CDH4: variants seen among roughly 807,000 people sequenced by gnomAD.
CDH4 encodes the protein cadherin 4, also known as cadherin-4.
CDH4 carries 33 observed loss-of-function variants against 86.0 expected under a neutral mutation model. The observed-to-expected ratio is 0.38, with a 90% CI of 0.29 to 0.51. The LOEUF (loss-of-function observed/expected upper bound fraction) is 0.51, where lower values mean the gene tolerates loss of function less well. Among genes scored for constraint, CDH4 ranks in the 20% least tolerant of loss-of-function variants. The pLI is 0.86. For synonymous variants in CDH4, 555 were observed against 549.4 expected, an observed-to-expected ratio of 1.01 and a Z score of -0.14; for missense variants, 1,114 against 1,307.4, an observed-to-expected ratio of 0.85 and a Z score of 2.28.
chr20:61,628,532 G>A (rs1690746597), intron 2 of CDH4, among the ~76,000 whole-genome samples: 4 of 152,220 alleles, frequency 2.6e-5, no homozygotes, highest in South Asian at 2.1e-4. Context: ...GCATGAGGCC[G>A]AGCTCCTGCC....
At chr20:61,858,093 G>T (rs1983120499) in intron 6 of CDH4, among the ~76,000 whole-genome samples, 1 of 151,440 alleles carries the variant, frequency 6.6e-6, no homozygotes, top group Admixed American at 6.6e-5. Flanking sequence ...GTGTCTCTGT[G>T]TCTGTGTCTC....
rs2087868467 is a variant in CDH4 at position 61,709,617 on chromosome 20, C to T, written c.170-33946C>T. Among the ~76,000 whole-genome samples, 1 of 151,274 alleles carries T rather than the reference C, an allele frequency of 6.6e-6. No individual in the cohort carries two copies. The highest frequency in any genetic ancestry group is 1.5e-5 in the Non-Finnish European group (1 of 67,912). On this transcript the variant is annotated intron_variant, in intron 2 of 15. Coordinates refer to ENST00000614565, the MANE Select transcript of CDH4 (RefSeq NM_001794.5). The surrounding 1 kb of genome is among the most constrained non-coding windows in gnomAD (Gnocchi z 4.8). ...TTTTTTTTTTTTATCGCTGGCTAAT[C>T]ACAGAGTGAGCAGAGGTGCATGGCA... is the stretch of plus-strand genomic sequence containing the variant.
chr20:61,863,057 G>C (rs762043635), intron 6 of CDH4, among the ~76,000 whole-genome samples: 14 of 152,210 alleles, frequency 9.2e-5, no homozygotes, highest in Non-Finnish European at 1.6e-4. Flanking sequence ...TAGCCTCAGT[G>C]ATTTGAACAG....
At chr20:61,559,327 A>G (rs1462274243) in intron 2 of CDH4, among the ~76,000 whole-genome samples, 1 of 151,922 alleles carries the variant, frequency 6.6e-6, no homozygotes, top group Non-Finnish European at 1.5e-5. Flanking sequence ...CAAAAAGAAG[A>G]AAAAAATTTT....
intron 2 of CDH4, among the ~76,000 whole-genome samples, chr20:61,341,148 G>A (rs1236305502): frequency 2.0e-5 from 3 of 152,182 alleles, no homozygotes; most frequent in African/African-American, 4.8e-5. Flanking sequence ...GCAAGCATGA[G>A]ATAAACACAT....
At chr20:61,817,200 A>G (rs1165787158) in intron 4 of CDH4, among the ~76,000 whole-genome samples, 1 of 152,190 alleles carries the variant, frequency 6.6e-6, no homozygotes, top group East Asian at 1.9e-4. Context: ...TGAACCCCAA[A>G]TCACATGTTT....
At chr20:61,933,974 G>C in intron 14 of CDH4, 82 bp from the exon 15 acceptor site, 1 of 1,515,156 alleles carries the variant, frequency 6.6e-7, no homozygotes, top group Non-Finnish European at 9.0e-7. Context: ...CTGTGGCCCA[G>C]GTGACAGAAA....
At chr20:61,273,351 T>C in intron 2 of CDH4, among the ~76,000 whole-genome samples, 1 of 129,412 alleles carries the variant, frequency 7.7e-6, no homozygotes, top group East Asian at 2.5e-4. Context: ...CTTGTGCAGT[T>C]TGGGGGAGTA....
Position 61,914,051 on chromosome 20 carries a change from C to T in CDH4, c.1374+3444C>T, listed in dbSNP as rs148175525. 2.2e-3 allele frequency among the ~76,000 whole-genome samples: 338 copies of T among 152,268 alleles called. 1 individual carries two copies. The highest frequency in any genetic ancestry group is 6.5e-3 in the African/African-American group (271 of 41,550). ...TCAGGATGTTGATGAGTGCTGCCTG[C>T]GAGCCACGTTCGTAGCTAAAATCTC... On this transcript the variant is annotated intron_variant, in intron 9 of 15. Coordinates refer to ENST00000614565, the MANE Select transcript of CDH4 (RefSeq NM_001794.5).
In CDH4 at chr20:61,517,551, G is replaced by A. The variant is rs575730014; in HGVS notation, c.170-226012G>A. Among the ~76,000 whole-genome samples the A allele has an allele frequency of 3.8e-4, 58 of 152,234 alleles. No homozygotes were observed. The South Asian group carries it at 0.011, about 30-fold the overall frequency. ...GTCAGACTTGTTTATAGTCCCCCCAGTGGAGGATGAATTCAAGCACAATTC... is the reference window on the plus strand; with the variant it reads ...GTCAGACTTGTTTATAGTCCCCCCAATGGAGGATGAATTCAAGCACAATTC... On this transcript the variant is annotated intron_variant, in intron 2 of 15. Transcript: ENST00000614565. This position sits in a 1 kb window ranked among gnomAD's most constrained non-coding sequence, Gnocchi z 6.6.
chr20:61,724,952 A>G (rs1046679141), intron 2 of CDH4, among the ~76,000 whole-genome samples: 2 of 152,116 alleles, frequency 1.3e-5, no homozygotes, highest in South Asian at 2.1e-4. Context: ...CTCAACAAAA[A>G]TAATTAAAAA....
intron 2 of CDH4, among the ~76,000 whole-genome samples, chr20:61,594,276 G>A (rs1314881440): frequency 2.6e-4 from 35 of 134,902 alleles, no homozygotes; most frequent in African/African-American, 8.9e-4. Flanking sequence ...GAGGGAAGGG[G>A]GGCTGAGCTG....
intron 2 of CDH4, among the ~76,000 whole-genome samples, chr20:61,720,044 T>A (rs1378375126): frequency 3.9e-5 from 6 of 152,100 alleles, no homozygotes; most frequent in Non-Finnish European, 8.8e-5. Context: ...CATGTCTCAG[T>A]AACGGAGAAG....
At chr20:61,692,820 C>CTTTTTTG (rs1430125286) in intron 2 of CDH4, among the ~76,000 whole-genome samples, 8 of 150,230 alleles carry the variant, frequency 5.3e-5, no homozygotes, top group African/African-American at 9.9e-5. Context: ...AGCAAGCAAG[C>CTTTTTTG]TTTTTTGTTT....
At chr20:61,574,457 C>T (rs920533646) in intron 2 of CDH4, among the ~76,000 whole-genome samples, 5 of 152,226 alleles carry the variant, frequency 3.3e-5, no homozygotes, top group Non-Finnish European at 7.3e-5. Context: ...ACAGAGTTTA[C>T]ACAGTTCACA....
intron 2 of CDH4, 122 bp from the exon 3 acceptor site, chr20:61,743,441 G>T: frequency 1.4e-6 from 1 of 723,336 alleles, no homozygotes; most frequent in South Asian, 1.7e-5. Flanking sequence ...GGAGAAATCA[G>T]TGCAAACCTC....
intron 2 of CDH4, among the ~76,000 whole-genome samples, chr20:61,629,679 G>A (rs2086865698): frequency 1.3e-5 from 2 of 152,214 alleles, no homozygotes; most frequent in African/African-American, 4.8e-5. Context: ...GGTGGCCAGA[G>A]CCATGGAGAA....
chr20:61,361,300 G>C (rs2084781961), intron 2 of CDH4, among the ~76,000 whole-genome samples: 1 of 152,216 alleles, frequency 6.6e-6, no homozygotes, highest in African/African-American at 2.4e-5. Context: ...TTATGTGGGT[G>C]GGAGTGGGGG....
chr20:61,691,399 G>C (rs1467610833), intron 2 of CDH4, among the ~76,000 whole-genome samples: 1 of 151,918 alleles, frequency 6.6e-6, no homozygotes, highest in Non-Finnish European at 1.5e-5. Context: ...GGATGTGTGT[G>C]TGCAAGTGGA....
Sources: allele counts gnomAD v4.1 joint callset (sites outside exome capture counted in the v4.1 genomes callset), GRCh38; gene constraint gnomAD v4.1.1; non-coding constraint Gnocchi (gnomAD v3.1); transcripts MANE v1.5; gene names NCBI Gene and HGNC (gene_info 2026-07-23, HGNC 2026-07-21).